CRACR2A: variants seen among roughly 807,000 people sequenced by gnomAD.
The protein encoded by CRACR2A is EF-hand calcium-binding domain-containing protein 4B.
CRACR2A carries 79 observed loss-of-function variants against 90.5 expected under a neutral mutation model. The ratio of observed to expected loss-of-function variants is 0.87; its 90% CI spans 0.73 to 1.05. The LOEUF (loss-of-function observed/expected upper bound fraction) is 1.05. Ranked by LOEUF, CRACR2A falls within the 50% of genes least tolerant of loss-of-function variation. CRACR2A has a pLI of 0.00. For synonymous variants in CRACR2A, 338 were observed against 356.7 expected (o/e 0.95, Z 0.59); for missense variants, 823 against 897.2 (o/e 0.92, Z 1.06).
chr12:3,657,066 G>T (rs1009495835), intron 8 of CRACR2A, among the ~76,000 whole-genome samples: 1 of 152,240 alleles, frequency 6.6e-6, no homozygotes, highest in African/African-American at 2.4e-5. Flanking sequence ...GGACGAGGAG[G>T]AAAGTGTGTG....
chr12:3,687,984 C>T (rs1483196989), intron 4 of CRACR2A, among the ~76,000 whole-genome samples: 1 of 151,998 alleles, frequency 6.6e-6, no homozygotes, highest in African/African-American at 2.4e-5. Context: ...ACATGTATGT[C>T]TTCTTTTGAA....
At chr12:3,737,494 G>T (rs1184623323) in intron 1 of CRACR2A, among the ~76,000 whole-genome samples, 2 of 152,172 alleles carry the variant, frequency 1.3e-5, no homozygotes, top group Non-Finnish European at 2.9e-5. Context: ...AGATGACTTT[G>T]GCTGCTTGTG....
rs138684862 is a variant in CRACR2A at position 3,717,320 on chromosome 12, A to G, written c.-117-4003T>C. ...TAAGTGTCTCTCTAACAATGCTCTG[A>G]AGAGCCAGGAGTGCTGCTGGCCACC... On this transcript the variant is annotated intron_variant, in intron 2 of 19. Coordinates refer to ENST00000440314, the MANE Select transcript of CRACR2A (RefSeq NM_001144958.2). 1.9e-3 allele frequency among the ~76,000 whole-genome samples: 284 copies of G among 152,310 alleles called. 6 individuals carry two copies. In the East Asian group the frequency reaches 0.036, roughly 19 times the overall value.
rs998664532 is a variant in CRACR2A at position 3,703,565 on chromosome 12, G to A, written c.-36-6530C>T. Among the ~76,000 whole-genome samples, 11 of 152,100 alleles carry A rather than the reference G, an allele frequency of 7.2e-5. 1 individual carries two copies. Among genetic ancestry groups the A allele is most frequent in the African/African-American group, 2.4e-4 (10 of 41,400 alleles). On this transcript the variant is annotated intron_variant, in intron 3 of 19. Coordinates refer to ENST00000440314, the MANE Select transcript of CRACR2A (RefSeq NM_001144958.2). ...AGTGCAATTCATTTGAAAAAAATAC[G>A]ACAAATTGGTCTTCATCAAAATTTG...
At chr12:3,684,023 T>A (rs1314727440) in intron 4 of CRACR2A, among the ~76,000 whole-genome samples, 3 of 152,158 alleles carry the variant, frequency 2.0e-5, no homozygotes, top group African/African-American at 7.2e-5. Context: ...GTGATGTCTT[T>A]TGTTGCACTC....
At position 3,634,381 on chromosome 12, in the gene CRACR2A, G is replaced by A. The variant is rs534180640; in HGVS notation, c.1603-645C>T. 7.2e-5 allele frequency among the ~76,000 whole-genome samples: 11 copies of A among 152,306 alleles called. No homozygotes were observed. The East Asian group carries it at 1.4e-3, about 19-fold the overall frequency. ...ACTGAGGCACGAGGGTCTCCACTTAGGAAGCTGGGAAATGCTAGGCTGCTG... is the reference window on the plus strand; with the variant it reads ...ACTGAGGCACGAGGGTCTCCACTTAAGAAGCTGGGAAATGCTAGGCTGCTG... On this transcript the variant is annotated intron_variant, in intron 14 of 19. Coordinates refer to ENST00000440314, the MANE Select transcript of CRACR2A (RefSeq NM_001144958.2).
At chr12:3,647,877 C>A in intron 11 of CRACR2A, 2 of 985,448 alleles carry the variant, frequency 2.0e-6, no homozygotes, top group South Asian at 4.7e-5. Context: ...TGGGCAACAT[C>A]AAAAATTCCA....
chr12:3,747,458 A>T (rs1371971187), intron 1 of CRACR2A, among the ~76,000 whole-genome samples: 1 of 152,060 alleles, frequency 6.6e-6, no homozygotes, highest in East Asian at 1.9e-4. Flanking sequence ...CACCAATCCA[A>T]CCCTCTATCC....
At chr12:3,655,260 G>C (rs904075680) in intron 9 of CRACR2A, among the ~76,000 whole-genome samples, 1 of 152,192 alleles carries the variant, frequency 6.6e-6, no homozygotes, top group Non-Finnish European at 1.5e-5. Context: ...GTAATTGCTA[G>C]GAACTTAATG....
intron 8 of CRACR2A, among the ~76,000 whole-genome samples, chr12:3,658,735 G>A (rs1277303354): frequency 6.6e-6 from 1 of 152,176 alleles, no homozygotes; most frequent in African/African-American, 2.4e-5. Context: ...CGGCAAGGGA[G>A]GCTGCCATCT....
intron 3 of CRACR2A, among the ~76,000 whole-genome samples, chr12:3,701,266 G>A (rs1204009863): frequency 1.3e-5 from 2 of 150,358 alleles, no homozygotes; most frequent in South Asian, 2.1e-4. Context: ...AGAAGAAAGG[G>A]CTCAAATCAA....
chr12:3,637,583 C>A (rs1944477704), intron 14 of CRACR2A, among the ~76,000 whole-genome samples: 2 of 152,202 alleles, frequency 1.3e-5, no homozygotes, highest in East Asian at 3.9e-4. Context: ...CATTTCTTTC[C>A]TTATTTGGAA....
intron 14 of CRACR2A, among the ~76,000 whole-genome samples, chr12:3,634,893 A>C (rs575303829): frequency 6.6e-6 from 1 of 152,152 alleles, no homozygotes; most frequent in Non-Finnish European, 1.5e-5. Flanking sequence ...GCACTCAAAA[A>C]CTATGCCTCC....
At chr12:3,616,113 G>A (rs1867676220) in intron 19 of CRACR2A, among the ~76,000 whole-genome samples, 1 of 152,278 alleles carries the variant, frequency 6.6e-6, no homozygotes, top group Non-Finnish European at 1.5e-5. Flanking sequence ...AAAGCTCAGA[G>A]AGGCAGGGCA....
At chr12:3,730,601 A>G (rs1397416869) in intron 2 of CRACR2A, 1 of 152,256 alleles carries the variant, frequency 6.6e-6, no homozygotes, top group Non-Finnish European at 1.5e-5. Flanking sequence ...AAATCCATAC[A>G]ATGGGATACT....
At chr12:3,667,098 G>C (rs1180336443) in intron 7 of CRACR2A, among the ~76,000 whole-genome samples, 1 of 152,190 alleles carries the variant, frequency 6.6e-6, no homozygotes, top group East Asian at 1.9e-4. Flanking sequence ...AAAGTTAGAT[G>C]CAAAGAGAAG....
In CRACR2A at chr12:3,659,727, A is replaced by T; in HGVS notation, c.672-73T>A. Reference sequence around the variant, plus strand: ...CAGCGGTAGCTCCTGGAGCTCAGACACCAGTTCCCCAACTCTGGAGCTGTG... The same window carrying T: ...CAGCGGTAGCTCCTGGAGCTCAGACTCCAGTTCCCCAACTCTGGAGCTGTG... On this transcript the variant is annotated intron_variant, in intron 7 of 19. Coordinates refer to ENST00000440314, the MANE Select transcript of CRACR2A (RefSeq NM_001144958.2). The T allele has an allele frequency of 4.1e-6, 5 of 1,214,500 alleles. 1 individual carries two copies. The highest frequency in any genetic ancestry group is 6.1e-6 in the Non-Finnish European group (5 of 819,752). The allele number at this position is 1,214,500 out of a possible 1,614,324, so 75.2% of individuals were successfully genotyped here. A position where few individuals can be genotyped will look rare whatever the true frequency, so the allele number is the denominator to read the frequency against.
chr12:3,679,520 A>G (rs1945407472), intron 5 of CRACR2A, among the ~76,000 whole-genome samples: 1 of 152,130 alleles, frequency 6.6e-6, no homozygotes. Context: ...CACATCTACA[A>G]GCTCCTTAAC....
At chr12:3,681,481 C>A (rs974141142) in intron 4 of CRACR2A, among the ~76,000 whole-genome samples, 1 of 152,166 alleles carries the variant, frequency 6.6e-6, no homozygotes, top group Non-Finnish European at 1.5e-5. Flanking sequence ...GCCTTCTGCC[C>A]GATGTGCAAT....
Sources: gnomAD v4.1 joint callset for allele counts (sites outside exome capture counted in the v4.1 genomes callset) on GRCh38, gnomAD v4.1.1 for gene constraint, MANE v1.5 for transcripts, NCBI Gene and HGNC (gene_info 2026-07-23, HGNC 2026-07-21) for gene names.